ANKS1B: variants seen among roughly 807,000 people sequenced by gnomAD.
ANKS1B encodes the protein ankyrin repeat and sterile alpha motif domain containing 1B.
In ANKS1B, 36 loss-of-function variants were observed where a neutral mutation model predicts 148.3. The observed-to-expected ratio is 0.24, with a 90% confidence interval of 0.19 to 0.32. The LOEUF is 0.32. Among genes scored for constraint, ANKS1B ranks in the 10% least tolerant of loss-of-function variants. The pLI is 1.00. For missense variants in ANKS1B, 1,157 were observed against 1,542.6 expected, an observed-to-expected ratio of 0.75 and a Z score of 4.19; for synonymous variants, 542 against 560.8, an observed-to-expected ratio of 0.97 and a Z score of 0.47.
intron 1 of ANKS1B, among the ~76,000 whole-genome samples, chr12:99,876,700 A>G (rs2092089443): frequency 6.7e-6 from 1 of 149,006 alleles, no homozygotes; most frequent in Non-Finnish European, 1.5e-5. Context: ...ACTACATTCC[A>G]GACTGGGCGA....
intron 10 of ANKS1B, among the ~76,000 whole-genome samples, chr12:99,475,476 C>T (rs2096304623): frequency 6.6e-6 from 1 of 151,508 alleles, no homozygotes; most frequent in South Asian, 2.1e-4. Context: ...GAAATTGTAT[C>T]ATTTAAAAAA....
At chr12:99,507,955 AG>A (rs2096728757) in intron 9 of ANKS1B, among the ~76,000 whole-genome samples, 2 of 151,834 alleles carry the variant, frequency 1.3e-5, no homozygotes, top group African/African-American at 4.8e-5. Flanking sequence ...CTCCTCTACC[AG>A]GGCTAAATGC....
chr12:98,795,701 C>A (rs1213769420), intron 22 of ANKS1B: 1 of 444,590 alleles, frequency 2.2e-6, no homozygotes, highest in Non-Finnish European at 4.5e-6. Flanking sequence ...AAACAAAAAA[C>A]AAAACCCAGG....
chr12:98,905,256 G>A (rs552189584), intron 17 of ANKS1B, among the ~76,000 whole-genome samples: 34 of 152,236 alleles, frequency 2.2e-4, no homozygotes, highest in Admixed American at 2.0e-3. Flanking sequence ...TACTACGCTG[G>A]GCAAGCTACT....
intron 17 of ANKS1B, among the ~76,000 whole-genome samples, chr12:99,052,020 CTCAA>C (rs1192163186): frequency 1.3e-5 from 2 of 152,136 alleles, no homozygotes; most frequent in Non-Finnish European, 2.9e-5. Context: ...TGCCATTTTC[CTCAA>C]TCATTTACTA....
At chr12:99,261,357 A>ATACC (rs2075906470) in intron 12 of ANKS1B, among the ~76,000 whole-genome samples, 1 of 152,068 alleles carries the variant, frequency 6.6e-6, no homozygotes, top group Non-Finnish European at 1.5e-5. Context: ...GTTCCTTCTC[A>ATACC]TTCTCTGCTC....
chr12:99,969,374 G>C (rs569457182), intron 1 of ANKS1B, among the ~76,000 whole-genome samples: 1 of 152,034 alleles, frequency 6.6e-6, no homozygotes, highest in Non-Finnish European at 1.5e-5. Context: ...TGTAGAAACA[G>C]GATCTTATTA....
intron 14 of ANKS1B, among the ~76,000 whole-genome samples, chr12:99,161,250 C>A (rs975893981): frequency 6.6e-6 from 1 of 152,116 alleles, no homozygotes; most frequent in Non-Finnish European, 1.5e-5. Context: ...TTATCAAAAT[C>A]AATGGAGGTT....
intron 12 of ANKS1B, among the ~76,000 whole-genome samples, chr12:99,318,125 T>C (rs975656060): frequency 3.3e-5 from 5 of 152,236 alleles, no homozygotes; most frequent in African/African-American, 1.2e-4. Flanking sequence ...TCTAAAATTC[T>C]CTTTTATTGT....
chr12:99,368,589 T>C (rs939058939), intron 12 of ANKS1B, among the ~76,000 whole-genome samples: 2 of 152,084 alleles, frequency 1.3e-5, no homozygotes, highest in Non-Finnish European at 1.5e-5. Context: ...ATGCAGTAAG[T>C]ATTATATATG....
At chr12:98,974,646 C>A (rs577094202) in intron 17 of ANKS1B, among the ~76,000 whole-genome samples, 1 of 152,144 alleles carries the variant, frequency 6.6e-6, no homozygotes, top group South Asian at 2.1e-4. Context: ...GGAGTAAATT[C>A]ACAAGACTTG....
At chr12:98,879,693 C>G (rs536096137) in intron 17 of ANKS1B, among the ~76,000 whole-genome samples, 6 of 152,120 alleles carry the variant, frequency 3.9e-5, no homozygotes, top group South Asian at 2.1e-4. Context: ...TGCAAGTCTT[C>G]TGAGACAAAG....
intron 9 of ANKS1B, among the ~76,000 whole-genome samples, chr12:99,650,813 T>A (rs75590573): frequency 0.015 from 2,306 of 152,214 alleles, 60 homozygotes; most frequent in African/African-American, 0.053. Context: ...ATTTTAGAAT[T>A]GTAAGATCCA....
At chr12:99,607,338 C>G (rs1478427728) in intron 9 of ANKS1B, among the ~76,000 whole-genome samples, 2 of 151,696 alleles carry the variant, frequency 1.3e-5, no homozygotes, top group Non-Finnish European at 2.9e-5. Flanking sequence ...TCAAAAATAT[C>G]AAAGAAGCTA....
intron 12 of ANKS1B, among the ~76,000 whole-genome samples, chr12:99,353,082 C>T (rs2091604612): frequency 2.0e-5 from 3 of 151,984 alleles, no homozygotes; most frequent in African/African-American, 7.2e-5. Flanking sequence ...CCCCGGTTAC[C>T]CTTCTCCTAA....
chr12:99,843,432 C>T (rs2153699328), intron 1 of ANKS1B, among the ~76,000 whole-genome samples: 1 of 152,128 alleles, frequency 6.6e-6, no homozygotes, highest in African/African-American at 2.4e-5. Flanking sequence ...CCAACAGGCC[C>T]TGTATGTGCT....
At chr12:99,681,826 C>T (rs1206283737) in intron 8 of ANKS1B, among the ~76,000 whole-genome samples, 1 of 152,142 alleles carries the variant, frequency 6.6e-6, no homozygotes, top group Non-Finnish European at 1.5e-5. Flanking sequence ...GCAATGGATC[C>T]AAATCAAGAA....
At chr12:99,204,696 A>G (rs2082438788) in intron 14 of ANKS1B, among the ~76,000 whole-genome samples, 1 of 152,178 alleles carries the variant, frequency 6.6e-6, no homozygotes, top group Admixed American at 6.5e-5. Context: ...TAAAACCTAA[A>G]GGCAGAGATG....
intron 8 of ANKS1B, among the ~76,000 whole-genome samples, chr12:99,743,600 A>C (rs918467837): frequency 2.6e-5 from 4 of 152,198 alleles, no homozygotes; most frequent in African/African-American, 9.7e-5. Context: ...AGGTACCTTT[A>C]TGCTGAATAA....
Sources: gnomAD v4.1 joint callset for allele counts (sites outside exome capture counted in the v4.1 genomes callset) on GRCh38, gnomAD v4.1.1 for gene constraint, MANE v1.5 for transcripts, NCBI Gene and HGNC (gene_info 2026-07-23, HGNC 2026-07-21) for gene names.